Variants in SCFD2 observed in about 807,000 individuals in gnomAD.
SCFD2 encodes sec1 family domain containing 2, also known as sec1 family domain-containing protein 2.
SCFD2 carries 54 observed loss-of-function variants against 58.9 expected under a neutral mutation model. That is an observed-to-expected ratio of 0.92 (90% CI 0.74 to 1.15). The LOEUF is 1.15. Ranked by LOEUF, SCFD2 falls within the 50% of genes most tolerant of loss-of-function variation. SCFD2 has a pLI of 0.00. For synonymous variants in SCFD2, 321 were observed against 335.9 expected (o/e 0.96, Z 0.49); for missense variants, 805 against 836.6 (o/e 0.96, Z 0.47).
At chr4:53,116,842 C>G (rs952145546) in intron 5 of SCFD2, among the ~76,000 whole-genome samples, 2 of 152,152 alleles carry the variant, frequency 1.3e-5, no homozygotes, top group African/African-American at 2.4e-5. Flanking sequence ...TGGTAGAAGG[C>G]AGATGGATGT....
chr4:52,953,124 A>C (rs1459635594), intron 5 of SCFD2, among the ~76,000 whole-genome samples: 2 of 152,248 alleles, frequency 1.3e-5, no homozygotes, highest in African/African-American at 4.8e-5. Flanking sequence ...CTGAGTATTT[A>C]CAGAGTGCCT....
At chr4:53,204,853 G>A (rs1225928993) in intron 4 of SCFD2, among the ~76,000 whole-genome samples, 1 of 151,544 alleles carries the variant, frequency 6.6e-6, no homozygotes, top group African/African-American at 2.4e-5. Context: ...ATCAGAACAG[G>A]TTCAGAAATC....
chr4:53,323,530 ATTTTTTTTTTTTT>A (rs1201482656), intron 2 of SCFD2, among the ~76,000 whole-genome samples: 2 of 106,764 alleles, frequency 1.9e-5, no homozygotes, highest in East Asian at 6.4e-4. Flanking sequence ...TGCCCAGCTA[ATTTTTTTTTTTTT>A]TTTTTTTTTT....
intron 5 of SCFD2, among the ~76,000 whole-genome samples, chr4:52,988,806 A>G (rs1157069187): frequency 6.6e-6 from 1 of 152,172 alleles, no homozygotes; most frequent in Non-Finnish European, 1.5e-5. Context: ...AAGCTTTTCC[A>G]TTATTTTCCT....
At chr4:52,939,452 T>C (rs1315386246) in intron 5 of SCFD2, among the ~76,000 whole-genome samples, 2 of 152,098 alleles carry the variant, frequency 1.3e-5, no homozygotes, top group South Asian at 2.1e-4. Context: ...AAAAAGCATA[T>C]GCAACTAGAT....
At chr4:53,169,560 T>C (rs1254275973) in intron 4 of SCFD2, among the ~76,000 whole-genome samples, 3 of 152,078 alleles carry the variant, frequency 2.0e-5, no homozygotes, top group African/African-American at 7.2e-5. Flanking sequence ...TTTGGATATA[T>C]ACCCAAAGTG....
chr4:53,056,100 G>T (rs1723330273), intron 5 of SCFD2, among the ~76,000 whole-genome samples: 1 of 151,476 alleles, frequency 6.6e-6, no homozygotes. Context: ...AACATTTCCA[G>T]GGTGTCCTGT....
At chr4:53,253,554 T>C (rs1015282839) in intron 4 of SCFD2, among the ~76,000 whole-genome samples, 21 of 152,050 alleles carry the variant, frequency 1.4e-4, no homozygotes, top group African/African-American at 4.3e-4. Context: ...GAATACTATG[T>C]AGCCATAAAA....
chr4:53,075,225 C>T (rs1723936437), intron 5 of SCFD2, among the ~76,000 whole-genome samples: 1 of 152,178 alleles, frequency 6.6e-6, no homozygotes, highest in Non-Finnish European at 1.5e-5. Flanking sequence ...CTGTCTTCTG[C>T]AGCTTCTTCA....
chr4:53,198,039 T>G (rs1728113833), intron 4 of SCFD2, among the ~76,000 whole-genome samples: 1 of 152,078 alleles, frequency 6.6e-6, no homozygotes, highest in African/African-American at 2.4e-5. Flanking sequence ...TCTGGGAGTT[T>G]GCGGACAGGA....
chr4:53,109,504 AAGCAACTTC>A (rs977684327), intron 5 of SCFD2, among the ~76,000 whole-genome samples: 49 of 152,348 alleles, frequency 3.2e-4, no homozygotes, highest in African/African-American at 1.2e-3. Flanking sequence ...TTAAGCTGAT[AAGCAACTTC>A]AGCAAAGTCT....
intron 3 of SCFD2, among the ~76,000 whole-genome samples, chr4:53,309,256 C>T (rs562653556): frequency 1.4e-4 from 21 of 152,274 alleles, no homozygotes; most frequent in African/African-American, 4.1e-4. Context: ...AGAGCTCTGC[C>T]AGTGACTTAA....
intron 3 of SCFD2, among the ~76,000 whole-genome samples, chr4:53,300,757 C>T (rs945451406): frequency 4.6e-5 from 7 of 152,196 alleles, no homozygotes; most frequent in Non-Finnish European, 4.4e-5. Flanking sequence ...GTCTCTCAGA[C>T]CACAGTGCAA....
At chr4:52,994,427 T>C (rs1213652576) in intron 5 of SCFD2, among the ~76,000 whole-genome samples, 2 of 152,202 alleles carry the variant, frequency 1.3e-5, no homozygotes, top group African/African-American at 2.4e-5. Flanking sequence ...CAATTAAACA[T>C]TGCCCAAGTC....
chr4:52,955,926 AG>A (rs1224228642), intron 5 of SCFD2: 1 of 375,706 alleles, frequency 2.7e-6, no homozygotes, highest in Admixed American at 3.3e-5. Flanking sequence ...ATACTTCCTA[AG>A]GACAGAAGAT....
intron 5 of SCFD2, among the ~76,000 whole-genome samples, chr4:53,058,593 T>C (rs1222037038): frequency 6.6e-6 from 1 of 152,154 alleles, no homozygotes; most frequent in Non-Finnish European, 1.5e-5. Context: ...CACTGATAGT[T>C]TTAAAGACTG....
chr4:53,029,386 G>A (rs1722560640), intron 5 of SCFD2, among the ~76,000 whole-genome samples: 1 of 152,180 alleles, frequency 6.6e-6, no homozygotes. Context: ...TGGTAAACAG[G>A]TGGTCAGAGG....
chr4:53,075,502 G>T (rs1325968219), intron 5 of SCFD2, among the ~76,000 whole-genome samples: 1 of 152,140 alleles, frequency 6.6e-6, no homozygotes, highest in African/African-American at 2.4e-5. Context: ...CTCAGTTTTT[G>T]ACATGTGTTC....
chr4:53,234,432 G>A (rs1403098033), intron 4 of SCFD2, among the ~76,000 whole-genome samples: 1 of 152,128 alleles, frequency 6.6e-6, no homozygotes, highest in Non-Finnish European at 1.5e-5. Context: ...AAATAATACA[G>A]TATCCCCCAG....
Sources: allele counts gnomAD v4.1 joint callset (sites outside exome capture counted in the v4.1 genomes callset), GRCh38; gene constraint gnomAD v4.1.1; transcripts MANE v1.5; gene names NCBI Gene and HGNC (gene_info 2026-07-23, HGNC 2026-07-21).